SLC44A1: variants seen among roughly 807,000 people sequenced by gnomAD.
The protein encoded by SLC44A1 is solute carrier family 44 member 1, also known as choline transporter-like protein 1.
SLC44A1 carries 26 observed loss-of-function variants against 79.3 expected under a neutral mutation model. The ratio of observed to expected loss-of-function variants is 0.33; its 90% CI spans 0.24 to 0.46. SLC44A1 has a LOEUF of 0.46. Among genes scored for constraint, SLC44A1 ranks in the 20% least tolerant of loss-of-function variants. The pLI is 1.00. For synonymous variants in SLC44A1, 263 were observed against 286.2 expected (o/e 0.92, Z 0.82); for missense variants, 688 against 798.1 (o/e 0.86, Z 1.66).
intron 1 of SLC44A1, among the ~76,000 whole-genome samples, chr9:105,284,368 A>T (rs1830428022): frequency 6.6e-6 from 1 of 151,942 alleles, no homozygotes; most frequent in South Asian, 2.1e-4. Context: ...CCCGGTCCTG[A>T]CAAGTACAAT....
In SLC44A1 at chr9:105,394,799, G is replaced by GT. The variant is rs1314706114; in HGVS notation, c.*5749dup. The GT allele has an allele frequency of 3.0e-6, 3 of 985,274 alleles. No homozygotes were observed. In the African/African-American group the frequency reaches 5.2e-5, roughly 17 times the overall value. The allele number at this position is 985,274 out of a possible 1,614,324, so 61.0% of individuals were successfully genotyped here. On this transcript the variant is annotated 3_prime_UTR_variant, in exon 16 of 16. Coordinates refer to ENST00000374720, the MANE Select transcript of SLC44A1 (RefSeq NM_080546.5). ...TGCTGAAGGTAGAAATGCAAAAGAT[G>GT]TTTTTTCTTCCTGCATAAATCACGG...
At chr9:105,433,063 A>C (rs1829418140) in intron 15 of SLC44A1, among the ~76,000 whole-genome samples, 3 of 152,096 alleles carry the variant, frequency 2.0e-5, no homozygotes, top group Admixed American at 2.0e-4. Context: ...GGGAGGCCGA[A>C]GCGGGGTGGA....
At chr9:105,331,369 C>T (rs1238741535) in intron 3 of SLC44A1, among the ~76,000 whole-genome samples, 1 of 152,162 alleles carries the variant, frequency 6.6e-6, no homozygotes, top group Admixed American at 6.5e-5. Flanking sequence ...GTGGATACTG[C>T]GTGTTACCCT....
At chr9:105,258,354 A>T (rs1829759638) in intron 1 of SLC44A1, among the ~76,000 whole-genome samples, 1 of 152,222 alleles carries the variant, frequency 6.6e-6, no homozygotes, top group South Asian at 2.1e-4. Flanking sequence ...TATAGAATAT[A>T]GAGAACACCA....
chr9:105,390,735 A>G lies in SLC44A1; in HGVS notation c.*1679A>G, dbSNP rs1828744964. On this transcript the variant is annotated 3_prime_UTR_variant, in exon 16 of 16. Coordinates refer to ENST00000374720, the MANE Select transcript of SLC44A1 (RefSeq NM_080546.5). ...GGTTTCTTTTAAAAGTTCATGTAAT[A>G]TTTCTGATTTTTCAGAATATTTGCA... 2.0e-6 allele frequency: 2 copies of G among 985,464 alleles called. No homozygotes were observed. The highest frequency in any genetic ancestry group is 9.4e-5 in the South Asian group (2 of 21,286). 61.0% of individuals were successfully genotyped at this position (985,464 alleles called of 1,614,324 possible). A position where few individuals can be genotyped will look rare whatever the true frequency, so the allele number is the denominator to read the frequency against.
intron 4 of SLC44A1, among the ~76,000 whole-genome samples, chr9:105,336,118 A>ATG (rs935027366): frequency 4.7e-5 from 7 of 147,528 alleles, no homozygotes; most frequent in African/African-American, 1.3e-4. Context: ...ATACATACAT[A>ATG]TGTGTGTGTG....
intron 5 of SLC44A1, among the ~76,000 whole-genome samples, chr9:105,349,458 A>T (rs1564451048): frequency 6.6e-6 from 1 of 152,230 alleles, no homozygotes; most frequent in Non-Finnish European, 1.5e-5. Flanking sequence ...AGTTAAATAT[A>T]TTTTCAGCTC....
At chr9:105,333,552 G>A (rs1564442933) in intron 3 of SLC44A1, among the ~76,000 whole-genome samples, 2 of 152,200 alleles carry the variant, frequency 1.3e-5, no homozygotes, top group East Asian at 3.9e-4. Context: ...TATCATACCT[G>A]TAATCCCAGC....
At chr9:105,285,943 A>C (rs1410050882) in intron 1 of SLC44A1, among the ~76,000 whole-genome samples, 2 of 152,194 alleles carry the variant, frequency 1.3e-5, no homozygotes, top group Non-Finnish European at 2.9e-5. Flanking sequence ...TCTATTAAAA[A>C]TACAAAAATT....
intron 9 of SLC44A1, 125 bp downstream of exon 9, chr9:105,363,132 A>G (rs1026195022): frequency 1.4e-6 from 1 of 735,456 alleles, no homozygotes; most frequent in Non-Finnish European, 2.3e-6. Flanking sequence ...CAGAACTTGT[A>G]GTGGTTATGG....
In SLC44A1 at chr9:105,390,748, C is replaced by A. The variant is rs983932985; in HGVS notation, c.*1692C>A. The A allele has an allele frequency of 9.1e-6, 9 of 985,126 alleles. No individual in the cohort carries two copies. The African/African-American group carries it at 1.6e-4, about 17-fold the overall frequency. 61.0% of individuals were successfully genotyped at this position (985,126 alleles called of 1,614,324 possible). ...AGTTCATGTAATATTTCTGATTTTT[C>A]AGAATATTTGCAATAAGAGTCTGGA... On this transcript the variant is annotated 3_prime_UTR_variant, in exon 16 of 16. Coordinates refer to ENST00000374720, the MANE Select transcript of SLC44A1 (RefSeq NM_080546.5).
chr9:105,397,988 G>A (rs1314522304), downstream of SLC44A1, among the ~76,000 whole-genome samples: 1 of 151,980 alleles, frequency 6.6e-6, no homozygotes, highest in East Asian at 1.9e-4. Flanking sequence ...AAAAGCCTCC[G>A]CTGGACAGTG....
Position 105,391,476 on chromosome 9 carries a change from T to G in SLC44A1, c.*2420T>G. The G allele has an allele frequency of 1.0e-6, 1 of 985,774 alleles. No individual in the cohort carries two copies. The highest frequency in any genetic ancestry group is 1.7e-5 in the African/African-American group (1 of 57,364). The allele number at this position is 985,774 out of a possible 1,614,324, so 61.1% of individuals were successfully genotyped here. The stretch of plus-strand genomic sequence containing the variant: ...CAAATTAATTGCCAGGCTGTTTTCC[T>G]TAAGTAAATTCATGTGCCGTGTAGA... On this transcript the variant is annotated 3_prime_UTR_variant, in exon 16 of 16. Transcript: ENST00000374720.
chr9:105,256,786 ATT>A (rs1829718349), intron 1 of SLC44A1, among the ~76,000 whole-genome samples: 1 of 142,068 alleles, frequency 7.0e-6, no homozygotes, highest in Non-Finnish European at 1.5e-5. Context: ...ATTTTATTTT[ATT>A]TTATTTTATT....
chr9:105,253,431 A>G (rs747633172), intron 1 of SLC44A1, among the ~76,000 whole-genome samples: 7 of 152,194 alleles, frequency 4.6e-5, no homozygotes, highest in Non-Finnish European at 1.0e-4. Context: ...TGTTACAGCT[A>G]TAAGAAATAA....
At chr9:105,340,006 A>G (rs545402654) in intron 4 of SLC44A1, among the ~76,000 whole-genome samples, 1 of 152,344 alleles carries the variant, frequency 6.6e-6, no homozygotes, top group East Asian at 1.9e-4. Context: ...TACATGAAAC[A>G]AAAAGTAGAA....
chr9:105,298,433 A>G (rs1588750094), intron 1 of SLC44A1, among the ~76,000 whole-genome samples: 1 of 151,958 alleles, frequency 6.6e-6, no homozygotes, highest in Non-Finnish European at 1.5e-5. Flanking sequence ...GCTCACTGCA[A>G]CCTCCGCCTC....
chr9:105,360,998 G>A (rs921245641), intron 7 of SLC44A1, among the ~76,000 whole-genome samples, 193 bp from the exon 8 acceptor site: 5 of 152,302 alleles, frequency 3.3e-5, no homozygotes, highest in Non-Finnish European at 7.4e-5. Context: ...GCTTAATGTG[G>A]AGGATGATAA....
rs1279465604 is a variant in SLC44A1 at position 105,394,823 on chromosome 9, G to A, written c.*5767G>A. ...TGTTTTTTCTTCCTGCATAAATCAC[G>A]GAGGTGTGTTCTGTTTTAGTGTTTT... On this transcript the variant is annotated 3_prime_UTR_variant, in exon 16 of 16. Transcript: ENST00000374720. 6.1e-6 allele frequency: 6 copies of A among 985,244 alleles called. No homozygotes were observed. Among genetic ancestry groups the A allele is most frequent in the African/African-American group, 1.7e-5 (1 of 57,202 alleles). The allele number at this position is 985,244 out of a possible 1,614,324, so 61.0% of individuals were successfully genotyped here. A position where few individuals can be genotyped will look rare whatever the true frequency, so the allele number is the denominator to read the frequency against.
Sources: allele counts gnomAD v4.1 joint callset (sites outside exome capture counted in the v4.1 genomes callset), GRCh38; gene constraint gnomAD v4.1.1; transcripts MANE v1.5; gene names NCBI Gene and HGNC (gene_info 2026-07-23, HGNC 2026-07-21).